The following OCA2 variants were observed in gnomAD, a reference collection of about 807,000 sequenced individuals.
OCA2 encodes OCA2 melanosomal transmembrane protein, also known as P protein.
OCA2 carries 77 observed loss-of-function variants against 100.2 expected under a neutral mutation model. The observed-to-expected ratio is 0.77, with a 90% confidence interval of 0.64 to 0.93. The LOEUF is 0.93. Ranked by LOEUF, OCA2 falls within the 40% of genes least tolerant of loss-of-function variation. OCA2 has a pLI of 0.00. For synonymous variants in OCA2, 432 were observed against 439.2 expected, an observed-to-expected ratio of 0.98 and a Z score of 0.21; for missense variants, 1,062 against 1,089.1, an observed-to-expected ratio of 0.98 and a Z score of 0.35.
intron 23 of OCA2, among the ~76,000 whole-genome samples, chr15:27,822,228 C>A (rs889285406): frequency 6.6e-6 from 1 of 152,292 alleles, no homozygotes; most frequent in South Asian, 2.1e-4. Flanking sequence ...AATCACTATC[C>A]TATTTTCTAA....
intron 19 of OCA2, among the ~76,000 whole-genome samples, chr15:27,897,334 T>C (rs945142177): frequency 2.0e-5 from 3 of 151,820 alleles, no homozygotes; most frequent in African/African-American, 7.3e-5. Context: ...TTCCAGCCAG[T>C]CCAGTCATGG....
chr15:28,090,384 A>G (rs1280155575), intron 1 of OCA2, among the ~76,000 whole-genome samples: 1 of 152,216 alleles, frequency 6.6e-6, no homozygotes, highest in Non-Finnish European at 1.5e-5. Context: ...ACTCCATCCA[A>G]CAACAGCAGA....
intron 19 of OCA2, among the ~76,000 whole-genome samples, chr15:27,890,989 C>T (rs2037435214): frequency 6.6e-6 from 1 of 150,390 alleles, no homozygotes; most frequent in African/African-American, 2.5e-5. Context: ...TGCACCACTG[C>T]ACTCCAGCCT....
chr15:27,724,577 C>A, the OCA2 span, among the ~76,000 whole-genome samples: 1 of 152,080 alleles, frequency 6.6e-6, no homozygotes, highest in East Asian at 1.9e-4. Flanking sequence ...CCTCAGCAGG[C>A]CCCTGACCCC....
At chr15:27,764,033 G>A (rs2031056591) in intron 23 of OCA2, among the ~76,000 whole-genome samples, 1 of 151,814 alleles carries the variant, frequency 6.6e-6, no homozygotes, top group African/African-American at 2.4e-5. Context: ...CAGAGAGAGA[G>A]GTAGGAGGGA....
chr15:27,848,419 C>T (rs2035614912), intron 22 of OCA2, among the ~76,000 whole-genome samples: 1 of 152,168 alleles, frequency 6.6e-6, no homozygotes, highest in Non-Finnish European at 1.5e-5. Flanking sequence ...TAAGGGTATT[C>T]CACGTGGCAT....
At chr15:27,862,100 T>C (rs1008505849) in intron 21 of OCA2, among the ~76,000 whole-genome samples, 3 of 149,310 alleles carry the variant, frequency 2.0e-5, no homozygotes, top group Admixed American at 6.6e-5. Flanking sequence ...TCGTCAGCCT[T>C]GAGTCCTCAC....
chr15:27,976,269 C>T (rs527693589), intron 14 of OCA2, among the ~76,000 whole-genome samples: 12 of 152,234 alleles, frequency 7.9e-5, no homozygotes, highest in African/African-American at 2.2e-4. Flanking sequence ...TGCATTATCA[C>T]GTGAGCTACA....
At chr15:27,754,249 T>C (rs564678245), downstream of OCA2, among the ~76,000 whole-genome samples, 1 of 152,310 alleles carries the variant, frequency 6.6e-6, no homozygotes, top group Admixed American at 6.5e-5. Context: ...TGTGTTGCCA[T>C]TCGACAATAC....
chr15:28,035,175 G>C (rs931318537), intron 2 of OCA2, among the ~76,000 whole-genome samples: 2 of 152,012 alleles, frequency 1.3e-5, no homozygotes, highest in African/African-American at 4.8e-5. Flanking sequence ...TTTTATTACT[G>C]TTTAACACTT....
chr15:28,097,051 G>A (rs1595942272), intron 1 of OCA2, among the ~76,000 whole-genome samples: 1 of 152,204 alleles, frequency 6.6e-6, no homozygotes. Flanking sequence ...GTAGTTCGGT[G>A]TCCCTTCGCC....
At chr15:28,068,735 T>G (rs1402578170) in intron 2 of OCA2, among the ~76,000 whole-genome samples, 1 of 152,240 alleles carries the variant, frequency 6.6e-6, no homozygotes, top group South Asian at 2.1e-4. Flanking sequence ...ATCGGAAAGT[T>G]AATATGCCAC....
chr15:27,862,222 C>T (rs1334247379), intron 21 of OCA2, among the ~76,000 whole-genome samples: 1 of 145,750 alleles, frequency 6.9e-6, no homozygotes, highest in Non-Finnish European at 1.5e-5. Context: ...TCCTCACGGA[C>T]AGAAAGCATG....
At chr15:27,851,570 C>A in intron 21 of OCA2, 95 bp from the exon 22 acceptor site, 1 of 950,390 alleles carries the variant, frequency 1.1e-6, no homozygotes, top group Non-Finnish European at 1.7e-6. Context: ...GCTTTCTCAG[C>A]ATTCAAACTC....
chr15:28,001,907 A>C (rs1356622221), intron 9 of OCA2, among the ~76,000 whole-genome samples: 1 of 152,194 alleles, frequency 6.6e-6, no homozygotes, highest in Non-Finnish European at 1.5e-5. Context: ...CTGCCATTGG[A>C]TTCCAGCTAG....
At chr15:28,041,390 CTA>C (rs1326757181) in intron 2 of OCA2, among the ~76,000 whole-genome samples, 1 of 151,850 alleles carries the variant, frequency 6.6e-6, no homozygotes, top group Admixed American at 6.6e-5. Context: ...ATAATAAAGA[CTA>C]TTTATGAAAA....
chr15:27,880,704 T>C (rs539714919), intron 19 of OCA2, among the ~76,000 whole-genome samples: 4 of 152,236 alleles, frequency 2.6e-5, no homozygotes, highest in East Asian at 1.9e-4. Flanking sequence ...TTGCACATTG[T>C]TTTTGTATCC....
intron 23 of OCA2, among the ~76,000 whole-genome samples, chr15:27,799,294 G>T (rs2033487475): frequency 6.6e-6 from 1 of 152,154 alleles, no homozygotes; most frequent in South Asian, 2.1e-4. Flanking sequence ...ACACGTAGAG[G>T]TCTCTGTGCT....
At chr15:27,988,922 G>A (rs1342737221) in intron 11 of OCA2, among the ~76,000 whole-genome samples, 1 of 152,148 alleles carries the variant, frequency 6.6e-6, no homozygotes, top group East Asian at 1.9e-4. Context: ...TGGGAGGGAC[G>A]AAATGTTGGC....
Sources: gnomAD v4.1 joint callset for allele counts (sites outside exome capture counted in the v4.1 genomes callset) on GRCh38, gnomAD v4.1.1 for gene constraint, MANE v1.5 for transcripts, NCBI Gene and HGNC (gene_info 2026-07-23, HGNC 2026-07-21) for gene names.